MYPN: variants seen among roughly 807,000 people sequenced by gnomAD.
MYPN encodes myopalladin, also known as sarcomeric protein myopalladin, 145 kDa (MYOP).
Under a neutral mutation model 129.4 loss-of-function variants are expected in MYPN, and 63 were observed. That is an observed-to-expected ratio of 0.49 (90% CI 0.40 to 0.60). The LOEUF (loss-of-function observed/expected upper bound fraction) is 0.60, where lower values mean the gene tolerates loss of function less well. Ranked by LOEUF, MYPN falls within the 20% of genes least tolerant of loss-of-function variation. The pLI is 0.00. For missense variants in MYPN, 1,596 were observed against 1,635.4 expected (o/e 0.98, Z 0.42); for synonymous variants, 629 against 600.9 (o/e 1.05, Z -0.68).
chr10:68,168,024 C>G (rs1220080922), intron 10 of MYPN, among the ~76,000 whole-genome samples: 1 of 152,196 alleles, frequency 6.6e-6, no homozygotes, highest in Non-Finnish European at 1.5e-5. Context: ...CTGGTTCGCC[C>G]TCTGTCTACG....
chr10:68,139,327 C>T (rs546270952), intron 2 of MYPN, among the ~76,000 whole-genome samples: 2 of 152,308 alleles, frequency 1.3e-5, no homozygotes, highest in African/African-American at 4.8e-5. Context: ...TCTTCTTTGA[C>T]TAATATCCCC....
chr10:68,200,165 C>T (rs1284705162), intron 17 of MYPN, among the ~76,000 whole-genome samples: 1 of 152,148 alleles, frequency 6.6e-6, no homozygotes, highest in Non-Finnish European at 1.5e-5. Context: ...TATTTGCCTC[C>T]CTGAAGAGAT....
chr10:68,141,119 C>T (rs1165371696), intron 2 of MYPN, among the ~76,000 whole-genome samples: 3 of 152,150 alleles, frequency 2.0e-5, no homozygotes, highest in East Asian at 3.9e-4. Flanking sequence ...GCCTGTAATC[C>T]CAGCACTCTG....
intron 7 of MYPN, among the ~76,000 whole-genome samples, chr10:68,159,889 T>C (rs1003889906): frequency 6.6e-6 from 1 of 152,230 alleles, no homozygotes; most frequent in Non-Finnish European, 1.5e-5. Context: ...ATGTACAACA[T>C]GATGTTTTGA....
At chr10:68,132,749 G>T (rs372001630) in intron 2 of MYPN, among the ~76,000 whole-genome samples, 61 of 152,284 alleles carry the variant, frequency 4.0e-4, no homozygotes, top group African/African-American at 1.4e-3. Flanking sequence ...CTTCAAGAGG[G>T]ATTAAGTAGT....
intron 18 of MYPN, among the ~76,000 whole-genome samples, chr10:68,205,799 A>G (rs2043805427): frequency 6.6e-6 from 1 of 152,248 alleles, no homozygotes; most frequent in African/African-American, 2.4e-5. Context: ...CTAAAGAAAT[A>G]TATCAAAGAA....
At chr10:68,208,731 T>C (rs2134348017) in intron 19 of MYPN, among the ~76,000 whole-genome samples, 1 of 152,256 alleles carries the variant, frequency 6.6e-6, no homozygotes, top group East Asian at 1.9e-4. Context: ...TTTCCTCAGT[T>C]GGGACCTAGG....
rs550247836 is a variant in MYPN, at chr10:68,166,735, G to T, written c.1973+69G>T. The T allele has an allele frequency of 1.7e-3, 2,640 of 1,586,998 alleles. 5 individuals are homozygous for T. Among genetic ancestry groups the T allele is most frequent in the Admixed American group, 3.2e-3 (182 of 56,808 alleles). ...TTTCTTGAATCTGATCTCCTTAAAAGTAATGGAACTCAGCTAGGCACAGTT... is the reference window on the plus strand; with the variant it reads ...TTTCTTGAATCTGATCTCCTTAAAATTAATGGAACTCAGCTAGGCACAGTT... On this transcript the variant is annotated intron_variant, in intron 10 of 19. Coordinates refer to ENST00000358913, the MANE Select transcript of MYPN (RefSeq NM_032578.4).
chr10:68,119,209 TTGTG>T (rs1442832149), intron 1 of MYPN, among the ~76,000 whole-genome samples: 1 of 152,152 alleles, frequency 6.6e-6, no homozygotes, highest in Non-Finnish European at 1.5e-5. Context: ...ATATACTATT[TTGTG>T]TATTATTCAC....
rs111714420 is a variant in MYPN, at chr10:68,113,597, T to C, written c.-2+3874T>C. ...CTGTAGTCCTAGCTACTTGGGAGGCTGAGGTGGGAGGATTGCTTGAGCCCC... is the reference window on the plus strand; with the variant it reads ...CTGTAGTCCTAGCTACTTGGGAGGCCGAGGTGGGAGGATTGCTTGAGCCCC... On this transcript the variant is annotated intron_variant, in intron 1 of 19. Transcript: ENST00000358913. Among the ~76,000 whole-genome samples, 17 of 151,350 alleles carry C rather than the reference T, an allele frequency of 1.1e-4. 1 individual carries two copies. In the East Asian group the frequency reaches 2.7e-3, roughly 24 times the overall value.
chr10:68,204,249 A>G (rs151200339), intron 18 of MYPN, among the ~76,000 whole-genome samples: 23 of 152,286 alleles, frequency 1.5e-4, no homozygotes, highest in African/African-American at 5.3e-4. Context: ...ACAACACCCA[A>G]TGCCTTTCAC....
chr10:68,143,807 T>C (rs1467558202), intron 3 of MYPN, among the ~76,000 whole-genome samples: 2 of 152,148 alleles, frequency 1.3e-5, no homozygotes, highest in African/African-American at 4.8e-5. Context: ...CAAGCTGGAG[T>C]GCAGTGACAC....
In MYPN at chr10:68,109,592, C is replaced by A; in HGVS notation, c.-133C>A. 2 of 454,088 alleles carry A rather than the reference C, an allele frequency of 4.4e-6. No homozygotes were observed. Among genetic ancestry groups the A allele is most frequent in the Non-Finnish European group, 8.8e-6 (2 of 226,788 alleles). The allele number at this position is 454,088 out of a possible 1,614,324, so 28.1% of individuals were successfully genotyped here. The stretch of plus-strand genomic sequence containing the variant: ...TCCTCACTCTCTATGGACGGCTACT[C>A]TCTATTTCCAAGGGCGTGAAGAATT... On this transcript the variant is annotated 5_prime_UTR_variant, in exon 1 of 20. Coordinates refer to ENST00000358913, the MANE Select transcript of MYPN (RefSeq NM_032578.4).
rs767717878 is a variant in MYPN, at chr10:68,150,034, T to C, written c.1246-6T>C. ...AATGAATTTACTGTTGCTTCCCTTC[T>C]ACCAGTGTCAGAGCCCCACCAATTA... is the stretch of plus-strand genomic sequence containing the variant. On this transcript the variant is annotated splice_polypyrimidine_tract_variant and splice_region_variant and intron_variant, in intron 5 of 19. Transcript: ENST00000358913. The C allele has an allele frequency of 3.1e-6, 5 of 1,611,652 alleles. No individual in the cohort carries two copies. The highest frequency in any genetic ancestry group is 8.5e-7 in the Non-Finnish European group (1 of 1,177,914).
intron 2 of MYPN, 140 bp downstream of exon 2, chr10:68,122,480 G>A (rs2042260840): frequency 1.2e-6 from 1 of 831,236 alleles, no homozygotes; most frequent in Non-Finnish European, 1.9e-6. Context: ...AAGCAGCTTG[G>A]TCCAATAGAA....
At chr10:68,126,386 A>C (rs1306681613) in intron 2 of MYPN, among the ~76,000 whole-genome samples, 1 of 152,236 alleles carries the variant, frequency 6.6e-6, no homozygotes, top group Non-Finnish European at 1.5e-5. Context: ...ACTTGGTTTC[A>C]AAACAAACTG....
chr10:68,202,586 C>A (rs2043736405), intron 18 of MYPN, among the ~76,000 whole-genome samples: 1 of 152,194 alleles, frequency 6.6e-6, no homozygotes, highest in Non-Finnish European at 1.5e-5. Flanking sequence ...CCTTTTCCAT[C>A]CATCACTAAA....
At chr10:68,100,622 G>GA (rs1387883577) in intron 1 of MYPN, among the ~76,000 whole-genome samples, 2 of 152,078 alleles carry the variant, frequency 1.3e-5, no homozygotes, top group African/African-American at 2.4e-5. Flanking sequence ...AAGGTAGTCA[G>GA]AAAAAAATAG....
At chr10:68,169,128 G>A (rs1329415884) in intron 10 of MYPN, among the ~76,000 whole-genome samples, 1 of 145,174 alleles carries the variant, frequency 6.9e-6, no homozygotes, top group Non-Finnish European at 1.5e-5. Flanking sequence ...GGCGGATCAC[G>A]AGTTCAGGAG....
Sources: gnomAD v4.1 joint callset for allele counts (sites outside exome capture counted in the v4.1 genomes callset) on GRCh38, gnomAD v4.1.1 for gene constraint, MANE v1.5 for transcripts, NCBI Gene and HGNC (gene_info 2026-07-23, HGNC 2026-07-21) for gene names.